Variants in DLG5 observed in about 807,000 individuals in gnomAD.
DLG5 encodes disks large homolog 5.
In DLG5, 48 loss-of-function variants were observed where a neutral mutation model predicts 189.8. The observed-to-expected ratio is 0.25, with a 90% CI of 0.20 to 0.32. The LOEUF is 0.32. Among genes scored for constraint, DLG5 ranks in the 10% least tolerant of loss-of-function variants. DLG5 has a pLI of 1.00. For missense variants in DLG5, 2,160 were observed against 2,544.7 expected (o/e 0.85, Z 3.25); for synonymous variants, 1,016 against 1,054.1 (o/e 0.96, Z 0.70).
intron 1 of DLG5, among the ~76,000 whole-genome samples, chr10:77,908,108 C>T (rs2131826064): frequency 6.6e-6 from 1 of 152,184 alleles, no homozygotes; most frequent in South Asian, 2.1e-4. Context: ...CAGAGGTACC[C>T]TCAGCCCCCT....
At chr10:77,826,408 T>C (rs773243670) in intron 13 of DLG5, among the ~76,000 whole-genome samples, 22 of 151,536 alleles carry the variant, frequency 1.5e-4, no homozygotes, top group Admixed American at 1.4e-3. Context: ...GGCAGATCGT[T>C]TGAGGTCAGG....
chr10:77,859,225 T>A (rs1844377556), intron 2 of DLG5, among the ~76,000 whole-genome samples: 1 of 152,152 alleles, frequency 6.6e-6, no homozygotes, highest in Non-Finnish European at 1.5e-5. Context: ...AGTCAAAAAG[T>A]TAAAAAAATA....
intron 1 of DLG5, among the ~76,000 whole-genome samples, chr10:77,915,004 A>T (rs1846319745): frequency 6.6e-6 from 1 of 152,144 alleles, no homozygotes; most frequent in Non-Finnish European, 1.5e-5. Context: ...CCCCAGAATC[A>T]CATGTGACTA....
At chr10:77,905,231 G>A (rs1370292132) in intron 1 of DLG5, among the ~76,000 whole-genome samples, 1 of 151,988 alleles carries the variant, frequency 6.6e-6, no homozygotes, top group Admixed American at 6.6e-5. Context: ...AAACTCCTGG[G>A]CTCAATCGAT....
At chr10:77,847,832 A>G (rs1168044944) in intron 5 of DLG5, among the ~76,000 whole-genome samples, 1 of 152,086 alleles carries the variant, frequency 6.6e-6, no homozygotes, top group African/African-American at 2.4e-5. Context: ...TCCGCCTCCC[A>G]AGTAGCTGGG....
rs774030663 is a variant in DLG5, at chr10:77,821,223, GTGGGAGGAGTCCCCA to G, written c.3246_3260del (p.Gly1083_His1087del). 1.9e-6 allele frequency: 3 copies of G among 1,614,152 alleles called. No homozygotes were observed. In the Admixed American group the frequency reaches 5.0e-5, roughly 27 times the overall value. On this transcript the variant is annotated inframe_deletion, in exon 15 of 32. Coordinates refer to ENST00000372391, the MANE Select transcript of DLG5 (RefSeq NM_004747.4). ...CATCACAGGATTTCTTGGCCGGCAGGTGGGAGGAGTCCCCATCTCCTTCAGGGTAGTAGCTGGAAG... is the reference window on the plus strand; with the variant it reads ...CATCACAGGATTTCTTGGCCGGCAGGTCTCCTTCAGGGTAGTAGCTGGAAG...
At chr10:77,867,828 G>A (rs898240129) in intron 2 of DLG5, 48 of 417,192 alleles carry the variant, frequency 1.2e-4, no homozygotes, top group African/African-American at 9.6e-4. Flanking sequence ...TATTGCTGAT[G>A]GTGAAATAGT....
At chr10:77,906,548 T>C (rs926350554) in intron 1 of DLG5, among the ~76,000 whole-genome samples, 9 of 149,684 alleles carry the variant, frequency 6.0e-5, no homozygotes, top group Non-Finnish European at 1.2e-4. Flanking sequence ...TCCCACCTTC[T>C]CCCACTGGCT....
rs1844247903 is a variant in DLG5 at position 77,856,711 on chromosome 10, G to T, written c.536+19C>A. 3.7e-6 allele frequency: 6 copies of T among 1,609,144 alleles called. No homozygotes were observed. On this transcript the variant is annotated intron_variant, in intron 3 of 31. Coordinates refer to ENST00000372391, the MANE Select transcript of DLG5 (RefSeq NM_004747.4). ...TCCCAACCATGGGGCCTGGGCAGGGGAGACGGCGCAATTACTACCTCTTGT... is the reference window on the plus strand; with the variant it reads ...TCCCAACCATGGGGCCTGGGCAGGGTAGACGGCGCAATTACTACCTCTTGT...
At position 77,812,310 on chromosome 10, in the gene DLG5, C is replaced by T. The variant is rs745899732; in HGVS notation, c.4093G>A (p.Val1365Met). The T allele has an allele frequency of 3.1e-6, 5 of 1,614,214 alleles. No individual in the cohort carries two copies. Among genetic ancestry groups the T allele is most frequent in the Non-Finnish European group, 4.2e-6 (5 of 1,180,022 alleles). Residue 1365 changes from valine (V) to methionine (M), a missense_variant, in exon 21 of 32, where the codon GTG becomes ATG. This residue lies in a region of DLG5 where 61 missense variants were observed against 101.0 expected (regional missense o/e 0.60). Transcript: ENST00000372391. ...KGSEPLGISI[V>M]SGEKGGIYVS... ...TAGATGCCGCCCTTCTCTCCACTCA[C>T]GATGGAGATGCCCAGCGGCTCTGAG...
intron 24 of DLG5, among the ~76,000 whole-genome samples, chr10:77,808,415 C>G (rs1324701488): frequency 4.6e-5 from 7 of 152,174 alleles, no homozygotes; most frequent in African/African-American, 1.7e-4. Flanking sequence ...AACAGGCACA[C>G]TCCACCACAC....
At chr10:77,820,981 CAG>C (rs2154575624) in intron 15 of DLG5, 99 bp downstream of exon 15, 1 of 1,451,086 alleles carries the variant, frequency 6.9e-7, no homozygotes, top group African/African-American at 1.4e-5. Flanking sequence ...CCAGGCTAAA[CAG>C]GGGCCTGGGA....
At position 77,835,668 on chromosome 10, in the gene DLG5, C is replaced by CTG. The variant is rs1843091399; in HGVS notation, c.1622+69_1622+70insCA. ...ATACAGTAAATGATTCCGACCCTCC[C>CTG]AACAGACCCTAGCAGGTCCCCTCAT... is the stretch of plus-strand genomic sequence containing the variant. On this transcript the variant is annotated intron_variant, in intron 8 of 31. Coordinates refer to ENST00000372391, the MANE Select transcript of DLG5 (RefSeq NM_004747.4). 21 of 1,489,596 alleles carry CTG rather than the reference C, an allele frequency of 1.4e-5. No homozygotes were observed. In the South Asian group the frequency reaches 2.7e-4, roughly 19 times the overall value. 92.3% of individuals were successfully genotyped at this position (1,489,596 alleles called of 1,614,324 possible).
chr10:77,897,421 G>T (rs1431983658), intron 1 of DLG5, among the ~76,000 whole-genome samples: 1 of 152,100 alleles, frequency 6.6e-6, no homozygotes, highest in Non-Finnish European at 1.5e-5. Context: ...TTAAAAACAA[G>T]TGAGTAATGT....
At chr10:77,931,884 T>C in the DLG5 span, among the ~76,000 whole-genome samples, 1 of 152,150 alleles carries the variant, frequency 6.6e-6, no homozygotes, top group Non-Finnish European at 1.5e-5. Context: ...ATCTCTAAAG[T>C]GGCAATAAAT....
At chr10:77,806,718 A>ACGGCCCCCC in intron 26 of DLG5, 40 bp downstream of exon 26, 1 of 1,333,654 alleles carries the variant, frequency 7.5e-7, no homozygotes, top group Non-Finnish European at 1.1e-6. Flanking sequence ...GCCCTCGGCG[A>ACGGCCCCCC]CCCCTGCCCC....
At chr10:77,922,806 C>T (rs914591197) in intron 1 of DLG5, among the ~76,000 whole-genome samples, 4 of 152,184 alleles carry the variant, frequency 2.6e-5, no homozygotes, top group South Asian at 2.1e-4. Flanking sequence ...AGCCACACCT[C>T]CAACAAAAAA....
In DLG5 at chr10:77,796,129, C is replaced by T. The variant is rs1459533421; in HGVS notation, c.5368G>A (p.Asp1790Asn). The change falls in exon 29 of 32, where the codon GAC (aspartate) becomes AAC (asparagine). Residue 1790 changes from aspartate to asparagine, a missense_variant. Around this residue, in one of 5 missense-constraint regions of DLG5, gnomAD observed 574 missense variants for 644.2 expected, o/e 0.89. Coordinates refer to ENST00000372391, the MANE Select transcript of DLG5 (RefSeq NM_004747.4). This position sits in a 1 kb window ranked among gnomAD's most constrained non-coding sequence, Gnocchi z 5.2. ...AAATGGCCGCTTCTCCGCTTATAGT[C>T]GACAAACAGGCAATCTTTGACACCC... ...ERGVKDCLFV[D>N]YKRRSGHFDV... 1.2e-6 allele frequency: 2 copies of T among 1,614,178 alleles called. No homozygotes were observed. Among genetic ancestry groups the T allele is most frequent in the African/African-American group, 1.3e-5 (1 of 75,032 alleles).
chr10:77,884,616 T>C (rs1845383949), intron 1 of DLG5, among the ~76,000 whole-genome samples: 1 of 152,192 alleles, frequency 6.6e-6, no homozygotes, highest in Non-Finnish European at 1.5e-5. Context: ...TCTGTGTCTC[T>C]GACATCCTTT....
Sources: gnomAD v4.1 joint callset for allele counts (sites outside exome capture counted in the v4.1 genomes callset) on GRCh38, gnomAD v4.1.1 for gene constraint, gnomAD v4.1.1 regional missense constraint, Gnocchi (gnomAD v3.1) non-coding constraint, MANE v1.5 for transcripts, NCBI Gene and HGNC (gene_info 2026-07-23, HGNC 2026-07-21) for gene names.